PIEZO2: variants seen among roughly 807,000 people sequenced by gnomAD.
PIEZO2 encodes piezo-type mechanosensitive ion channel component 2.
A neutral mutation model predicts 337.3 loss-of-function variants in PIEZO2; 172 were observed. The observed-to-expected ratio is 0.51, with a 90% CI of 0.45 to 0.58. PIEZO2 has a LOEUF of 0.58. Among genes scored for constraint, PIEZO2 ranks in the 20% least tolerant of loss-of-function variants. The pLI, the probability that PIEZO2 is intolerant of heterozygous loss-of-function variation, is 0.00. For missense variants in PIEZO2, 3,028 were observed against 3,391.3 expected (o/e 0.89, Z 2.66); for synonymous variants, 1,251 against 1,228.5 (o/e 1.02, Z -0.38).
At chr18:10,841,149 C>A (rs146084039) in intron 7 of PIEZO2, among the ~76,000 whole-genome samples, 7 of 152,156 alleles carry the variant, frequency 4.6e-5, no homozygotes, top group African/African-American at 1.4e-4. Context: ...TTGGAACAAT[C>A]AAAAATATAT....
At position 10,982,233 on chromosome 18, in the gene PIEZO2, G is replaced by A. The variant is rs1178772029; in HGVS notation, c.161-2573C>T. 6.6e-6 allele frequency among the ~76,000 whole-genome samples: 1 copy of A among 151,982 alleles called. No homozygotes were observed. The highest frequency in any genetic ancestry group is 2.4e-5 in the African/African-American group (1 of 41,372). ...CTAGGTGTATTCGGGTTCTCTAGAG[G>A]GACAGGACTAATAAGATAGATGCAT... On this transcript the variant is annotated intron_variant, in intron 2 of 55. Transcript: ENST00000674853. This position sits in a 1 kb window ranked among gnomAD's most constrained non-coding sequence, Gnocchi z 4.1.
chr18:10,762,493 C>T lies in PIEZO2; in HGVS notation c.3249+7G>A, dbSNP rs1035191128. ...GAGGCCCAAACTAAGCACGACAAAG[C>T]CATTACCCTCAGGTAGACTAGCAGA... On this transcript the variant is annotated splice_region_variant and intron_variant, in intron 23 of 55. Transcript: ENST00000674853. 5 of 1,536,472 alleles carry T rather than the reference C, an allele frequency of 3.3e-6. No individual in the cohort carries two copies. In the African/African-American group the frequency reaches 6.8e-5, roughly 21 times the overall value.
Position 10,773,690 on chromosome 18 carries a change from G to A in PIEZO2, c.2568-61C>T. Reference sequence around the variant, plus strand: ...GGGTGTTGGGAGAGATTTGACTGAGGGGCAAGTAAAAGGAGGATAAACACA... The same window carrying A: ...GGGTGTTGGGAGAGATTTGACTGAGAGGCAAGTAAAAGGAGGATAAACACA... On this transcript the variant is annotated intron_variant, in intron 19 of 55. Coordinates refer to ENST00000674853, the MANE Select transcript of PIEZO2 (RefSeq NM_001378183.1). This position sits in a 1 kb window ranked among gnomAD's most constrained non-coding sequence, Gnocchi z 5.3. The A allele has an allele frequency of 6.9e-7, 1 of 1,455,658 alleles. No individual in the cohort carries two copies. Among genetic ancestry groups the A allele is most frequent in the Non-Finnish European group, 9.3e-7 (1 of 1,074,426 alleles). The allele number at this position is 1,455,658 out of a possible 1,614,324, so 90.2% of individuals were successfully genotyped here.
chr18:10,979,556 G>C lies in PIEZO2; in HGVS notation c.265C>G (p.Arg89Gly). Residue 89 changes from arginine (R) to glycine (G), a missense_variant, in exon 3 of 56, where the codon CGT becomes GGT. Coordinates refer to ENST00000674853, the MANE Select transcript of PIEZO2 (RefSeq NM_001378183.1). The surrounding 1 kb of genome is among the most constrained non-coding windows in gnomAD (Gnocchi z 4.0). The part of the protein sequence containing the change: ...ITLVSLEAQH[R>G]IAPGYNCSTW... Reference sequence around the variant, plus strand: ...TCACAGTTGTAGCCAGGTGCAATACGATGTTGAGCTTCAAGGCTCACCAAC... The same window carrying C: ...TCACAGTTGTAGCCAGGTGCAATACCATGTTGAGCTTCAAGGCTCACCAAC... 6.5e-7 allele frequency: 1 copy of C among 1,532,934 alleles called. No homozygotes were observed. Among genetic ancestry groups the C allele is most frequent in the East Asian group, 2.4e-5 (1 of 40,888 alleles). 95.0% of individuals were successfully genotyped at this position (1,532,934 alleles called of 1,614,324 possible).
chr18:10,768,153 G>A (rs914157918), intron 21 of PIEZO2, among the ~76,000 whole-genome samples: 2 of 152,270 alleles, frequency 1.3e-5, no homozygotes, highest in African/African-American at 4.8e-5. Context: ...TAAGAAAGGA[G>A]GAGCTTCTAC....
rs1395891844 is a variant in PIEZO2, at chr18:10,980,432, T to C, written c.161-772A>G. Among the ~76,000 whole-genome samples the C allele has an allele frequency of 1.3e-5, 2 of 152,184 alleles. No individual in the cohort carries two copies. The highest frequency in any genetic ancestry group is 4.8e-5 in the African/African-American group (2 of 41,456). ...AAACATCCTGTTTATAGTGGAATTT[T>C]AGACTTAGTCCCACCAGTATCAGAG... On this transcript the variant is annotated intron_variant, in intron 2 of 55. Transcript: ENST00000674853. This position sits in a 1 kb window ranked among gnomAD's most constrained non-coding sequence, Gnocchi z 4.8.
In PIEZO2 at chr18:10,863,229, C is replaced by G. The variant is rs74854727; in HGVS notation, c.493-6018G>C. ...GAAAAGACAAGGTTGTGACTCACTG[C>G]AGAAGATGAATTTCATCCCCAGGGT... On this transcript the variant is annotated intron_variant, in intron 5 of 55. Transcript: ENST00000674853. This position sits in a 1 kb window ranked among gnomAD's most constrained non-coding sequence, Gnocchi z 4.3. 6.6e-6 allele frequency among the ~76,000 whole-genome samples: 1 copy of G among 152,138 alleles called. No homozygotes were observed. Among genetic ancestry groups the G allele is most frequent in the Non-Finnish European group, 1.5e-5 (1 of 68,034 alleles).
intron 7 of PIEZO2, among the ~76,000 whole-genome samples, chr18:10,820,330 T>A (rs2040485680): frequency 1.3e-5 from 2 of 151,628 alleles, no homozygotes; most frequent in Admixed American, 1.3e-4. Flanking sequence ...ATAGCTTATG[T>A]GGTTCAGTGG....
intron 2 of PIEZO2, among the ~76,000 whole-genome samples, chr18:11,034,653 T>A (rs2145779045): frequency 6.6e-6 from 1 of 152,248 alleles, no homozygotes; most frequent in African/African-American, 2.4e-5. Flanking sequence ...TACCTATTAG[T>A]GGAACTAAAA....
intron 30 of PIEZO2, among the ~76,000 whole-genome samples, chr18:10,745,535 G>C (rs943155273): frequency 1.3e-5 from 2 of 152,068 alleles, no homozygotes; most frequent in African/African-American, 4.8e-5. Context: ...TCAATGTTCA[G>C]TTGTTATTTT....
Position 10,726,752 on chromosome 18 carries a change from C to T in PIEZO2, c.5029+4655G>A. The T allele has an allele frequency of 2.7e-6, 4 of 1,482,596 alleles. No homozygotes were observed. The East Asian group carries it at 6.8e-5, about 25-fold the overall frequency. 91.8% of individuals were successfully genotyped at this position (1,482,596 alleles called of 1,614,324 possible). A position where few individuals can be genotyped will look rare whatever the true frequency, so the allele number is the denominator to read the frequency against. ...GGACATCGCCAGACCATCGATTTCC[C>T]GCTGCTGACCTCACTGGGCAAGGTG... is the stretch of plus-strand genomic sequence containing the variant. On this transcript the variant is annotated intron_variant, in intron 36 of 55. Transcript: ENST00000674853. The surrounding 1 kb of genome is among the most constrained non-coding windows in gnomAD (Gnocchi z 5.9).
rs1052894532 is a variant in PIEZO2 at position 11,038,593 on chromosome 18, A to C, written c.160+27534T>G. Among the ~76,000 whole-genome samples, 16 of 152,154 alleles carry C rather than the reference A, an allele frequency of 1.1e-4. No individual in the cohort carries two copies. The highest frequency in any genetic ancestry group is 3.3e-4 in the Admixed American group (5 of 15,272). ...TATCTATGACCTGTGAACACCCCAC[A>C]GTGCAGCTGAGGAGCAGCATGTAGT... On this transcript the variant is annotated intron_variant, in intron 2 of 55. Transcript: ENST00000674853. The surrounding 1 kb of genome is among the most constrained non-coding windows in gnomAD (Gnocchi z 4.1).
intron 21 of PIEZO2, among the ~76,000 whole-genome samples, chr18:10,768,647 C>A (rs530677593): frequency 3.1e-4 from 47 of 152,252 alleles, no homozygotes. Flanking sequence ...AATGAAAATT[C>A]TGAAAGTCTG....
intron 2 of PIEZO2, among the ~76,000 whole-genome samples, chr18:10,991,499 C>T (rs188921174): frequency 9.9e-5 from 15 of 151,060 alleles, no homozygotes; most frequent in Admixed American, 8.0e-4. Context: ...TCTGTTCCTG[C>T]GTTGGTTTGC....
At chr18:10,718,866 G>A (rs190015788) in intron 36 of PIEZO2, among the ~76,000 whole-genome samples, 47 of 151,886 alleles carry the variant, frequency 3.1e-4, no homozygotes, top group African/African-American at 8.5e-4. Context: ...GTGGTGGTGC[G>A]CACCTGTAGT....
In PIEZO2 at chr18:10,759,922, G is replaced by A. The variant is rs565486503; in HGVS notation, c.3451-13C>T. 1.1e-5 allele frequency: 17 copies of A among 1,528,378 alleles called. No homozygotes were observed. The East Asian group carries it at 3.2e-4, about 29-fold the overall frequency. The allele number at this position is 1,528,378 out of a possible 1,614,324, so 94.7% of individuals were successfully genotyped here. On this transcript the variant is annotated splice_polypyrimidine_tract_variant and intron_variant, in intron 24 of 55. Coordinates refer to ENST00000674853, the MANE Select transcript of PIEZO2 (RefSeq NM_001378183.1). This position sits in a 1 kb window ranked among gnomAD's most constrained non-coding sequence, Gnocchi z 5.5. The stretch of plus-strand genomic sequence containing the variant: ...TTAGGAAACAGGTCTGTGTAAAGAT[G>A]AAAAGAGGCAAAAAAAAAAAATCAG...
At chr18:10,718,004 TA>T (rs1305926842) in intron 37 of PIEZO2, among the ~76,000 whole-genome samples, 195 bp downstream of exon 37, 1 of 152,236 alleles carries the variant, frequency 6.6e-6, no homozygotes, top group Non-Finnish European at 1.5e-5. Context: ...TCCAACTGCA[TA>T]AAGTCCAGAC....
At chr18:11,075,838 G>C (rs540401537) in intron 1 of PIEZO2, among the ~76,000 whole-genome samples, 1 of 148,828 alleles carries the variant, frequency 6.7e-6, no homozygotes, top group East Asian at 2.0e-4. Context: ...ACCCAGGCTG[G>C]AGTGCAGTGG....
At position 10,792,137 on chromosome 18, in the gene PIEZO2, C is replaced by T. The variant is rs571952833; in HGVS notation, c.1759-813G>A. ...AGTTTTTGTATTCTTTTAGTAGAGACGGGGTTTCACCATGTTAGCCAGGCT... is the reference window on the plus strand; with the variant it reads ...AGTTTTTGTATTCTTTTAGTAGAGATGGGGTTTCACCATGTTAGCCAGGCT... On this transcript the variant is annotated intron_variant, in intron 13 of 55. Coordinates refer to ENST00000674853, the MANE Select transcript of PIEZO2 (RefSeq NM_001378183.1). Among the ~76,000 whole-genome samples the T allele has an allele frequency of 1.1e-4, 16 of 152,262 alleles. No individual in the cohort carries two copies. The East Asian group carries it at 1.2e-3, about 11-fold the overall frequency.
Sources: allele counts gnomAD v4.1 joint callset (sites outside exome capture counted in the v4.1 genomes callset), GRCh38; gene constraint gnomAD v4.1.1; non-coding constraint Gnocchi (gnomAD v3.1); transcripts MANE v1.5; gene names NCBI Gene and HGNC (gene_info 2026-07-23, HGNC 2026-07-21).